Variants in UBE2E2 observed in about 807,000 individuals in gnomAD.
UBE2E2 encodes ubiquitin conjugating enzyme E2 E2.
In UBE2E2, 6 loss-of-function variants were observed where a neutral mutation model predicts 24.7. The ratio of observed to expected loss-of-function variants is 0.24; its 90% confidence interval spans 0.13 to 0.48. UBE2E2 has a LOEUF of 0.48. Ranked by LOEUF, UBE2E2 falls within the 20% of genes least tolerant of loss-of-function variation. The probability of loss-of-function intolerance (pLI) is 0.99; values close to 1 mark genes in which losing one functional copy is unlikely to be tolerated. For synonymous variants in UBE2E2, 104 were observed against 83.6 expected, an observed-to-expected ratio of 1.24 and a Z score of -1.33; for missense variants, 169 against 245.0, an observed-to-expected ratio of 0.69 and a Z score of 2.07.
chr3:23,411,065 CTGGAAGA>C (rs1457667332), intron 3 of UBE2E2, among the ~76,000 whole-genome samples: 1 of 152,038 alleles, frequency 6.6e-6, no homozygotes, highest in Admixed American at 6.6e-5. Context: ...ATAATGTGCT[CTGGAAGA>C]TCAGGTGCAA....
chr3:23,211,067 C>G (rs954551137), intron 2 of UBE2E2, among the ~76,000 whole-genome samples: 3 of 152,120 alleles, frequency 2.0e-5, no homozygotes, highest in African/African-American at 7.2e-5. Context: ...GACCCCACAT[C>G]TTTTAAGTTC....
intron 3 of UBE2E2, among the ~76,000 whole-genome samples, chr3:23,442,283 A>T (rs1418857685): frequency 6.6e-6 from 1 of 151,656 alleles, no homozygotes; most frequent in Non-Finnish European, 1.5e-5. Context: ...GGAGAATACC[A>T]AAACATTTCT....
intron 3 of UBE2E2, among the ~76,000 whole-genome samples, chr3:23,414,514 G>T (rs1270412344): frequency 6.6e-6 from 1 of 152,158 alleles, no homozygotes; most frequent in Admixed American, 6.5e-5. Context: ...CAACAATGGG[G>T]ATTACAGTTG....
intron 3 of UBE2E2, among the ~76,000 whole-genome samples, chr3:23,333,119 C>G (rs1695110978): frequency 6.6e-6 from 1 of 152,162 alleles, no homozygotes; most frequent in African/African-American, 2.4e-5. Flanking sequence ...CAGCCTTAAT[C>G]TGAAATACCT....
chr3:23,270,453 C>T (rs1351111701), intron 3 of UBE2E2, among the ~76,000 whole-genome samples: 1 of 152,084 alleles, frequency 6.6e-6, no homozygotes. Context: ...AACCTGGAAC[C>T]AAGGCTTGGA....
At chr3:23,489,718 C>T (rs764167232) in intron 3 of UBE2E2, among the ~76,000 whole-genome samples, 5 of 152,184 alleles carry the variant, frequency 3.3e-5, no homozygotes, top group Non-Finnish European at 5.9e-5. Context: ...GTGTGGCCTC[C>T]TTCCTAACAG....
At chr3:23,301,630 C>A (rs1418191078) in intron 3 of UBE2E2, among the ~76,000 whole-genome samples, 2 of 152,144 alleles carry the variant, frequency 1.3e-5, no homozygotes, top group Non-Finnish European at 2.9e-5. Flanking sequence ...GCTGTCTGAT[C>A]GTTCCTCTGG....
chr3:23,458,830 G>A (rs1189024840), intron 3 of UBE2E2, among the ~76,000 whole-genome samples: 1 of 152,082 alleles, frequency 6.6e-6, no homozygotes, highest in East Asian at 1.9e-4. Context: ...AAATGGTGCT[G>A]ATGGACTTTC....
chr3:23,575,873 A>G (rs937422301), intron 5 of UBE2E2, among the ~76,000 whole-genome samples: 2 of 152,198 alleles, frequency 1.3e-5, no homozygotes, highest in Non-Finnish European at 2.9e-5. Flanking sequence ...ATGAATGCTG[A>G]CTCACTATGC....
intron 3 of UBE2E2, among the ~76,000 whole-genome samples, chr3:23,424,764 A>G (rs7628372): frequency 6.6e-6 from 1 of 152,030 alleles, no homozygotes; most frequent in Non-Finnish European, 1.5e-5. Context: ...TTAAAGAAGT[A>G]TGATAGCTGA....
intron 5 of UBE2E2, among the ~76,000 whole-genome samples, chr3:23,581,302 G>C (rs1214930198): frequency 6.6e-6 from 1 of 151,994 alleles, no homozygotes; most frequent in Non-Finnish European, 1.5e-5. Flanking sequence ...CCTCGAGCAG[G>C]GCTTATTTAA....
intron 3 of UBE2E2, among the ~76,000 whole-genome samples, chr3:23,315,016 T>C (rs2125282024): frequency 6.6e-6 from 1 of 152,322 alleles, no homozygotes; most frequent in African/African-American, 2.4e-5. Context: ...AGTTCTTTGT[T>C]ATTAGCCCTT....
intron 5 of UBE2E2, among the ~76,000 whole-genome samples, chr3:23,545,109 T>G (rs1247472696): frequency 6.6e-6 from 1 of 152,212 alleles, no homozygotes; most frequent in Non-Finnish European, 1.5e-5. Context: ...TACCGAGACA[T>G]TCCATTGCCC....
chr3:23,292,786 A>G (rs967596860), intron 3 of UBE2E2, among the ~76,000 whole-genome samples: 6 of 152,124 alleles, frequency 3.9e-5, no homozygotes, highest in Non-Finnish European at 7.3e-5. Context: ...TAAAATCAGG[A>G]TAATTGGCTG....
At chr3:23,438,476 G>C (rs966245375) in intron 3 of UBE2E2, among the ~76,000 whole-genome samples, 1 of 152,148 alleles carries the variant, frequency 6.6e-6, no homozygotes, top group Non-Finnish European at 1.5e-5. Context: ...ACTTAAATTT[G>C]AAAAGGTTTG....
intron 4 of UBE2E2, among the ~76,000 whole-genome samples, chr3:23,519,647 G>A (rs73043684): frequency 0.13 from 19,962 of 152,042 alleles, 1,384 homozygotes; most frequent in Middle Eastern, 0.2. Flanking sequence ...TCTCACAATA[G>A]TAATAGTGAA....
intron 3 of UBE2E2, among the ~76,000 whole-genome samples, chr3:23,238,052 T>G (rs898905800): frequency 7.2e-5 from 11 of 152,238 alleles, no homozygotes; most frequent in African/African-American, 2.2e-4. Context: ...CCACAAGTAC[T>G]CAGAACTGTG....
Position 23,378,253 on chromosome 3 carries a change from AAAAAAAAT to A in UBE2E2, c.228-121353_228-121346del, listed in dbSNP as rs1437767834. The stretch of plus-strand genomic sequence containing the variant: ...ATAAGCAGTAAAAAAAAAAAAAAAA[AAAAAAAAT>A]ACTGCAGTTTATTTTAAAATTGTAC... On this transcript the variant is annotated intron_variant, in intron 3 of 5. Coordinates refer to ENST00000396703, the MANE Select transcript of UBE2E2 (RefSeq NM_152653.4). Among the ~76,000 whole-genome samples the A allele has an allele frequency of 1.7e-3, 263 of 151,204 alleles. 1 individual carries two copies. The highest frequency in any genetic ancestry group is 6.0e-3 in the African/African-American group (248 of 41,362).
At chr3:23,388,639 C>A (rs1282773851) in intron 3 of UBE2E2, among the ~76,000 whole-genome samples, 1 of 152,126 alleles carries the variant, frequency 6.6e-6, no homozygotes. Context: ...AAAACAATTT[C>A]TTTGACATCA....
Sources: gnomAD v4.1 joint callset for allele counts (sites outside exome capture counted in the v4.1 genomes callset) on GRCh38, gnomAD v4.1.1 for gene constraint, MANE v1.5 for transcripts, NCBI Gene and HGNC (gene_info 2026-07-23, HGNC 2026-07-21) for gene names.